The following TCF7L1 variants were observed in gnomAD, a reference collection of about 807,000 sequenced individuals.
TCF7L1 encodes the protein transcription factor 7 like 1.
Under a neutral mutation model 63.7 loss-of-function variants are expected in TCF7L1, and 18 were observed. That is an observed-to-expected ratio of 0.28 (90% CI 0.20 to 0.42). TCF7L1 has a LOEUF of 0.42. Ranked by LOEUF, TCF7L1 falls within the 10% of genes least tolerant of loss-of-function variation. The pLI is 1.00. For synonymous variants in TCF7L1, 355 were observed against 340.9 expected (o/e 1.04, Z -0.46); for missense variants, 654 against 779.3 (o/e 0.84, Z 1.91).
At chr2:85,261,400 T>G (rs1449531347) in intron 3 of TCF7L1, among the ~76,000 whole-genome samples, 2 of 152,188 alleles carry the variant, frequency 1.3e-5, no homozygotes, top group African/African-American at 4.8e-5. Context: ...TTCATGTTTG[T>G]GATTTGAAGC....
chr2:85,164,697 A>G (rs989738484), intron 3 of TCF7L1, among the ~76,000 whole-genome samples: 2 of 152,384 alleles, frequency 1.3e-5, no homozygotes, highest in African/African-American at 2.4e-5. Flanking sequence ...AATGTAGACT[A>G]TAAACCACAG....
chr2:85,139,806 G>A (rs970410169), intron 3 of TCF7L1, among the ~76,000 whole-genome samples: 3 of 152,182 alleles, frequency 2.0e-5, no homozygotes, highest in African/African-American at 7.2e-5. Flanking sequence ...TTGCCTGGAA[G>A]GAGAAGGGGC....
At chr2:85,276,306 A>G (rs924891240) in intron 3 of TCF7L1, among the ~76,000 whole-genome samples, 1 of 152,222 alleles carries the variant, frequency 6.6e-6, no homozygotes, top group Admixed American at 6.5e-5. Context: ...GAACTGGCCA[A>G]GTTGGGCATC....
intron 4 of TCF7L1, among the ~76,000 whole-genome samples, chr2:85,283,955 C>G (rs558589095): frequency 1.3e-5 from 2 of 152,332 alleles, no homozygotes; most frequent in East Asian, 3.9e-4. Flanking sequence ...CTCCTCTTCT[C>G]CCTCATAGCT....
chr2:85,177,294 T>C (rs902055582), intron 3 of TCF7L1, among the ~76,000 whole-genome samples: 1 of 152,130 alleles, frequency 6.6e-6, no homozygotes, highest in Non-Finnish European at 1.5e-5. Flanking sequence ...ACCATCACAT[T>C]GGGGATTGGA....
At chr2:85,155,394 C>T (rs190227946) in intron 3 of TCF7L1, among the ~76,000 whole-genome samples, 1 of 152,300 alleles carries the variant, frequency 6.6e-6, no homozygotes, top group East Asian at 1.9e-4. Flanking sequence ...ATAAATCTTG[C>T]TGCTGTTCAC....
chr2:85,276,571 G>A (rs538206433), intron 3 of TCF7L1, among the ~76,000 whole-genome samples: 25 of 152,292 alleles, frequency 1.6e-4, no homozygotes, highest in South Asian at 1.0e-3. Flanking sequence ...AGTTGCAGTC[G>A]TTTCTTTCCT....
At chr2:85,267,262 C>T (rs1488086650) in intron 3 of TCF7L1, among the ~76,000 whole-genome samples, 4 of 141,046 alleles carry the variant, frequency 2.8e-5, no homozygotes, top group African/African-American at 5.4e-5. Context: ...ACCCGGGAGG[C>T]GGAGGTTGCA....
chr2:85,241,431 G>GTTTTTTTTTT lies in TCF7L1; in HGVS notation c.442-42059_442-42058insTTTTTTTTTT, dbSNP rs1273488175. On this transcript the variant is annotated intron_variant, in intron 3 of 11. Transcript: ENST00000282111. ...TGATCCAGAGGACTGGATGCACTTT[G>GTTTTTTTTTT]TTTTTGTTTTTTTTTTTTTTTTTTT... 1.7e-3 allele frequency among the ~76,000 whole-genome samples: 116 copies of GTTTTTTTTTT among 68,756 alleles called. 9 individuals carry two copies. Among genetic ancestry groups the GTTTTTTTTTT allele is most frequent in the African/African-American group, 5.5e-3 (106 of 19,220 alleles). The allele number at this position is 68,756 out of a possible 152,430, so 45.1% of individuals were successfully genotyped here. A position where few individuals can be genotyped will look rare whatever the true frequency, so the allele number is the denominator to read the frequency against.
chr2:85,200,686 C>T (rs1679252006), intron 3 of TCF7L1, among the ~76,000 whole-genome samples: 2 of 152,168 alleles, frequency 1.3e-5, no homozygotes, highest in South Asian at 4.1e-4. Context: ...TGGTATTATT[C>T]AGGGTTTATG....
At chr2:85,266,167 G>A (rs1011550454) in intron 3 of TCF7L1, among the ~76,000 whole-genome samples, 5 of 152,118 alleles carry the variant, frequency 3.3e-5, no homozygotes, top group South Asian at 2.1e-4. Context: ...GCAGCATAAG[G>A]CATTTAATAT....
At chr2:85,307,313 G>C (rs927537576) in intron 10 of TCF7L1, among the ~76,000 whole-genome samples, 1 of 152,160 alleles carries the variant, frequency 6.6e-6, no homozygotes, top group African/African-American at 2.4e-5. Context: ...AACTTTCAAA[G>C]GGACCTGGGA....
intron 3 of TCF7L1, among the ~76,000 whole-genome samples, chr2:85,232,655 C>G (rs1406488050): frequency 6.6e-6 from 1 of 152,220 alleles, no homozygotes; most frequent in Non-Finnish European, 1.5e-5. Context: ...TAAGCGGTAT[C>G]TCCTCCACTG....
chr2:85,257,806 T>C (rs1232920157), intron 3 of TCF7L1, among the ~76,000 whole-genome samples: 12 of 152,322 alleles, frequency 7.9e-5, no homozygotes, highest in Non-Finnish European at 1.3e-4. Context: ...GACCCTGGAT[T>C]TCTCCTCTGC....
rs548576454 is a variant in TCF7L1 at position 85,148,865 on chromosome 2, C to A, written c.441+14415C>A. Reference sequence around the variant, plus strand: ...CTTGGCTCACTGCAACCTCTGCCCCCCCAGGTTCAAGCGATTCTCTCTCCT... The same window carrying A: ...CTTGGCTCACTGCAACCTCTGCCCCACCAGGTTCAAGCGATTCTCTCTCCT... On this transcript the variant is annotated intron_variant, in intron 3 of 11. Coordinates refer to ENST00000282111, the MANE Select transcript of TCF7L1 (RefSeq NM_031283.3). Among the ~76,000 whole-genome samples the A allele has an allele frequency of 3.2e-4, 49 of 151,538 alleles. No homozygotes were observed. In the South Asian group the frequency reaches 5.0e-3, roughly 15 times the overall value.
intron 3 of TCF7L1, among the ~76,000 whole-genome samples, chr2:85,152,557 C>T (rs963962459): frequency 2.6e-5 from 4 of 151,616 alleles, no homozygotes; most frequent in African/African-American, 9.7e-5. Flanking sequence ...GCCTCAGCCT[C>T]CCAAGTAGCT....
intron 4 of TCF7L1, among the ~76,000 whole-genome samples, chr2:85,295,993 G>A (rs1681833272): frequency 1.3e-5 from 2 of 151,956 alleles, no homozygotes; most frequent in Non-Finnish European, 2.9e-5. Flanking sequence ...GGCCAGGCTG[G>A]TCTCAAACTC....
chr2:85,300,144 C>T (rs1681936546), intron 4 of TCF7L1, among the ~76,000 whole-genome samples: 2 of 152,028 alleles, frequency 1.3e-5, no homozygotes, highest in Non-Finnish European at 2.9e-5. Flanking sequence ...ATAGTTTCAC[C>T]ACTCAAATAT....
At chr2:85,144,435 C>A (rs72838193) in intron 3 of TCF7L1, among the ~76,000 whole-genome samples, 15,419 of 127,716 alleles carry the variant, frequency 0.12, 998 homozygotes, top group Middle Eastern at 0.16. Flanking sequence ...AAAAAAAAAA[C>A]AAAAACCAAA....
Sources: allele counts gnomAD v4.1 joint callset (sites outside exome capture counted in the v4.1 genomes callset), GRCh38; gene constraint gnomAD v4.1.1; transcripts MANE v1.5; gene names NCBI Gene and HGNC (gene_info 2026-07-23, HGNC 2026-07-21).